GINS3: variants seen among roughly 807,000 people sequenced by gnomAD.
The protein encoded by GINS3 is DNA replication complex GINS protein PSF3.
Under a neutral mutation model 20.0 loss-of-function variants are expected in GINS3, and 18 were observed. The observed-to-expected ratio is 0.90, with a 90% CI of 0.62 to 1.33. The LOEUF (loss-of-function observed/expected upper bound fraction) is 1.33. GINS3 is among the 40% of genes most tolerant of loss of function. GINS3 has a pLI of 0.00. For synonymous variants in GINS3, 109 were observed against 107.0 expected (o/e 1.02, Z -0.12); for missense variants, 254 against 273.6 (o/e 0.93, Z 0.51).
chr16:58,403,269 G>C lies in GINS3; in HGVS notation c.358G>C (p.Gly120Arg). Residue 120 changes from glycine to arginine, a missense_variant, in exon 2 of 3, where the codon GGC (glycine) becomes CGC (arginine). Coordinates refer to ENST00000318129, the MANE Select transcript of GINS3 (RefSeq NM_022770.4). ...HKMGPHFYGFGSQLLHFDSPE... is the reference protein window; with the variant it reads ...HKMGPHFYGFRSQLLHFDSPE... ...AATGGGGCCCCATTTCTACGGGTTT[G>C]GCTCCCAGCTCCTGCATTTTGACAG... 6.2e-7 allele frequency: 1 copy of C among 1,614,098 alleles called. No homozygotes were observed. Among genetic ancestry groups the C allele is most frequent in the Non-Finnish European group, 8.5e-7 (1 of 1,180,018 alleles).
At chr16:58,397,775 T>C (rs1965901304) in intron 1 of GINS3, among the ~76,000 whole-genome samples, 1 of 152,006 alleles carries the variant, frequency 6.6e-6, no homozygotes, top group Non-Finnish European at 1.5e-5. Flanking sequence ...CAGCTTCGGC[T>C]CGGCATCAGA....
intron 1 of GINS3, among the ~76,000 whole-genome samples, chr16:58,396,780 T>C (rs1236564878): frequency 6.4e-5 from 6 of 94,054 alleles, no homozygotes; most frequent in African/African-American, 8.6e-5. Context: ...CCCCACCTCC[T>C]TCCCGGACAG....
chr16:58,394,475 T>C (rs1965822252), intron 1 of GINS3, among the ~76,000 whole-genome samples: 1 of 152,022 alleles, frequency 6.6e-6, no homozygotes, highest in African/African-American at 2.4e-5. Flanking sequence ...GCCTCCCAAG[T>C]AGCTGAGATT....
chr16:58,396,186 G>T lies in GINS3; in HGVS notation c.186+3399G>T, dbSNP rs536576224. Among the ~76,000 whole-genome samples, 332 of 124,816 alleles carry T rather than the reference G, an allele frequency of 2.7e-3. 2 individuals carry two copies. The highest frequency in any genetic ancestry group is 0.01 in the African/African-American group (309 of 30,748). 81.9% of individuals were successfully genotyped at this position (124,816 alleles called of 152,430 possible). On this transcript the variant is annotated intron_variant, in intron 1 of 2. Coordinates refer to ENST00000318129, the MANE Select transcript of GINS3 (RefSeq NM_022770.4). Reference sequence around the variant, plus strand: ...ACGGGGCGGCTGGCCGGGCAGAGGGGCTCCTCACTTACCAGTAGGGGCGGC... The same window carrying T: ...ACGGGGCGGCTGGCCGGGCAGAGGGTCTCCTCACTTACCAGTAGGGGCGGC...
intron 1 of GINS3, 192 bp from the exon 2 acceptor site, chr16:58,402,906 A>G: frequency 3.4e-6 from 2 of 588,832 alleles, no homozygotes; most frequent in Non-Finnish European, 3.0e-6. Flanking sequence ...TTCTCTCTCC[A>G]TTCCATCATC....
intron 1 of GINS3, among the ~76,000 whole-genome samples, chr16:58,395,722 C>T (rs1409675693): frequency 5.3e-5 from 8 of 152,202 alleles, no homozygotes; most frequent in African/African-American, 7.2e-5. Context: ...AAGTCTCCCA[C>T]GTCTACTTGT....
chr16:58,396,252 C>T (rs1479891870), intron 1 of GINS3, among the ~76,000 whole-genome samples: 2 of 129,058 alleles, frequency 1.5e-5, no homozygotes, highest in Non-Finnish European at 1.6e-5. Flanking sequence ...GGGCGGCTGG[C>T]CGGGTGGGGG....
rs1291227141 is a variant in GINS3 at position 58,396,915 on chromosome 16, C to T, written c.186+4128C>T. Among the ~76,000 whole-genome samples, 278 of 146,816 alleles carry T rather than the reference C, an allele frequency of 1.9e-3. 2 individuals are homozygous for T. The highest frequency in any genetic ancestry group is 6.4e-3 in the African/African-American group (248 of 38,950). ...CTGACCCCCCCACCTCCTTCCCGGA[C>T]GGGGCGGCTGGCCGGGCAGAGGTGC... On this transcript the variant is annotated intron_variant, in intron 1 of 2. Coordinates refer to ENST00000318129, the MANE Select transcript of GINS3 (RefSeq NM_022770.4).
Position 58,396,140 on chromosome 16 carries a change from A to AC in GINS3, c.186+3360dup, listed in dbSNP as rs1312429036. On this transcript the variant is annotated intron_variant, in intron 1 of 2. Coordinates refer to ENST00000318129, the MANE Select transcript of GINS3 (RefSeq NM_022770.4). Reference sequence around the variant, plus strand: ...GGGCGGCTGGCTGGGTGGGGGGCTGACCCCCCCACCTCCCTCTTGGACGGG... The same window carrying AC: ...GGGCGGCTGGCTGGGTGGGGGGCTGACCCCCCCCACCTCCCTCTTGGACGGG... 1.0e-4 allele frequency among the ~76,000 whole-genome samples: 9 copies of AC among 90,260 alleles called. 1 individual carries two copies. The highest frequency in any genetic ancestry group is 1.7e-4 in the Non-Finnish European group (8 of 46,096). 59.2% of individuals were successfully genotyped at this position (90,260 alleles called of 152,430 possible).
intron 1 of GINS3, 83 bp from the exon 2 acceptor site, chr16:58,403,014 CA>C: frequency 9.2e-7 from 1 of 1,089,418 alleles, no homozygotes; most frequent in South Asian, 1.4e-5. Context: ...CAGTATTGCG[CA>C]GGCGATGTGT....
intron 1 of GINS3, among the ~76,000 whole-genome samples, chr16:58,397,681 C>G (rs978700519): frequency 9.2e-5 from 14 of 152,146 alleles, no homozygotes; most frequent in Admixed American, 3.9e-4. Context: ...GCGGCGCGCG[C>G]CTGCAATCAC....
At chr16:58,394,680 A>G (rs567052771) in intron 1 of GINS3, among the ~76,000 whole-genome samples, 5 of 152,160 alleles carry the variant, frequency 3.3e-5, no homozygotes, top group African/African-American at 1.2e-4. Flanking sequence ...TTTTTTTCTC[A>G]GCATTAGACT....
chr16:58,403,092 C>T lies in GINS3; in HGVS notation c.187-6C>T, dbSNP rs762015894. The T allele has an allele frequency of 8.7e-6, 14 of 1,610,478 alleles. No homozygotes were observed. In the African/African-American group the frequency reaches 1.1e-4, roughly 12 times the overall value. On this transcript the variant is annotated splice_region_variant and splice_polypyrimidine_tract_variant and intron_variant, in intron 1 of 2. Transcript: ENST00000318129. ...TTTTTAAAATCTACATTCATGCATG[C>T]TGCAGGGTTCCAAGCTTGAACTACC... is the stretch of plus-strand genomic sequence containing the variant.
At chr16:58,392,943 G>C in intron 1 of GINS3, 156 bp downstream of exon 1, 1 of 748,316 alleles carries the variant, frequency 1.3e-6, no homozygotes, top group Non-Finnish European at 2.1e-6. Context: ...GAAACTCCGC[G>C]GGGGTCCCTT....
chr16:58,400,636 G>GTATC (rs930693498), intron 1 of GINS3, among the ~76,000 whole-genome samples: 2 of 152,040 alleles, frequency 1.3e-5, no homozygotes, highest in African/African-American at 4.8e-5. Flanking sequence ...GGCCTACTGT[G>GTATC]TATCTTTCCT....
At chr16:58,402,598 A>C (rs1242499339) in intron 1 of GINS3, among the ~76,000 whole-genome samples, 3 of 152,134 alleles carry the variant, frequency 2.0e-5, no homozygotes, top group African/African-American at 7.2e-5. Context: ...AGGCTTTAAA[A>C]ACTAGAGACA....
At chr16:58,402,809 A>G in intron 1 of GINS3, 1 of 470,132 alleles carries the variant, frequency 2.1e-6, no homozygotes, top group Non-Finnish European at 3.9e-6. Flanking sequence ...TGAAGTGTCT[A>G]CAATTGGACA....
At position 58,405,733 on chromosome 16, in the gene GINS3, A is replaced by G. The variant is rs1596964404; in HGVS notation, c.*1004A>G. 2.0e-5 allele frequency: 3 copies of G among 152,214 alleles called. No individual in the cohort carries two copies. Among genetic ancestry groups the G allele is most frequent in the South Asian group, 2.1e-4 (1 of 4,830 alleles). The allele number at this position is 152,214 out of a possible 1,614,324, so 9.4% of individuals were successfully genotyped here. On this transcript the variant is annotated 3_prime_UTR_variant, in exon 3 of 3. Coordinates refer to ENST00000318129, the MANE Select transcript of GINS3 (RefSeq NM_022770.4). ...CTAGGAACCTGGTTAAGCAAGCACT[A>G]ATCTCTTTTCCTGGAGATCAAGGAT...
At chr16:58,399,940 T>C (rs965335371) in intron 1 of GINS3, among the ~76,000 whole-genome samples, 3 of 152,246 alleles carry the variant, frequency 2.0e-5, no homozygotes, top group African/African-American at 7.2e-5. Context: ...GTTTGACTCA[T>C]TGAAAACCCC....
Sources: allele counts gnomAD v4.1 joint callset (sites outside exome capture counted in the v4.1 genomes callset), GRCh38; gene constraint gnomAD v4.1.1; transcripts MANE v1.5; gene names NCBI Gene and HGNC (gene_info 2026-07-23, HGNC 2026-07-21).